The following BFSP1 variants were observed in gnomAD, a reference collection of about 807,000 sequenced individuals.
BFSP1 encodes beaded filament structural protein 1.
BFSP1 carries 38 observed loss-of-function variants against 43.9 expected under a neutral mutation model. The ratio of observed to expected loss-of-function variants is 0.87; its 90% CI spans 0.67 to 1.14. The LOEUF (loss-of-function observed/expected upper bound fraction) is 1.14, where lower values mean the gene tolerates loss of function less well. BFSP1 is among the 50% of genes most tolerant of loss of function. The pLI, the probability that BFSP1 is intolerant of heterozygous loss-of-function variation, is 0.00. For synonymous variants in BFSP1, 352 were observed against 354.8 expected, an observed-to-expected ratio of 0.99 and a Z score of 0.09; for missense variants, 850 against 875.1, an observed-to-expected ratio of 0.97 and a Z score of 0.36.
chr20:17,547,089 T>C (rs965681773), intron 1 of BFSP1, among the ~76,000 whole-genome samples: 2 of 151,946 alleles, frequency 1.3e-5, no homozygotes, highest in Non-Finnish European at 2.9e-5. Context: ...TCAACTCCTT[T>C]TTCCAGTAAC....
chr20:17,497,061 G>A (rs1368408821), intron 6 of BFSP1, 38 bp from the exon 7 acceptor site: 3 of 1,444,188 alleles, frequency 2.1e-6, no homozygotes, highest in African/African-American at 2.9e-5. Flanking sequence ...CCAAACAGAG[G>A]TCAGGGGCAA....
chr20:17,515,825 T>C (rs934624693), intron 2 of BFSP1, among the ~76,000 whole-genome samples: 2 of 152,218 alleles, frequency 1.3e-5, no homozygotes, highest in Admixed American at 1.3e-4. Flanking sequence ...AGTGACTTGC[T>C]AATAAACATA....
Position 17,524,581 on chromosome 20 carries a change from C to T in BFSP1, c.438+267G>A, listed in dbSNP as rs2072958. Among the ~76,000 whole-genome samples, 75,891 of 151,992 alleles carry T rather than the reference C, an allele frequency of 0.5. 20,039 individuals carry two copies. Among genetic ancestry groups the T allele is most frequent in the African/African-American group, 0.68 (28,219 of 41,450 alleles). The stretch of plus-strand genomic sequence containing the variant: ...TGACAAGTAAAACAGCAGCTTGTCA[C>T]TGTAACGCCGGCAGGTTTTGCTAGC... On this transcript the variant is annotated intron_variant, in intron 2 of 7. Transcript: ENST00000377873.
chr20:17,547,523 C>G (rs980234288), intron 1 of BFSP1, among the ~76,000 whole-genome samples: 9 of 152,094 alleles, frequency 5.9e-5, no homozygotes, highest in African/African-American at 2.2e-4. Flanking sequence ...CATCTGTACC[C>G]CTGTTGAATA....
chr20:17,550,317 T>C (rs562028216), intron 1 of BFSP1, among the ~76,000 whole-genome samples: 4 of 152,234 alleles, frequency 2.6e-5, no homozygotes, highest in African/African-American at 7.2e-5. Context: ...AAATTTTTCT[T>C]ATATAGGGTC....
chr20:17,510,568 G>A (rs6111555), intron 4 of BFSP1, among the ~76,000 whole-genome samples: 46,820 of 152,142 alleles, frequency 0.31, 7,889 homozygotes, highest in African/African-American at 0.43. Context: ...TAACTTTCCT[G>A]TCGCTTAGAT....
chr20:17,505,011 T>C (rs960066846), intron 5 of BFSP1, among the ~76,000 whole-genome samples: 9 of 151,942 alleles, frequency 5.9e-5, no homozygotes, highest in Middle Eastern at 3.4e-3. Context: ...TGGTGCTAAG[T>C]GACTTTAATG....
chr20:17,558,392 C>T lies in BFSP1; in HGVS notation c.2+296G>A, dbSNP rs77468530. On this transcript the variant is annotated intron_variant, in intron 1 of 7. Coordinates refer to the BFSP1 transcript ENST00000377868. ...GTTCAAGAAGGGAAACTCAAGAATCCAGGCCTTGCGTGCTGCTCTTTTTTC... is the reference window on the plus strand; with the variant it reads ...GTTCAAGAAGGGAAACTCAAGAATCTAGGCCTTGCGTGCTGCTCTTTTTTC... 5.4e-3 allele frequency among the ~76,000 whole-genome samples: 818 copies of T among 152,246 alleles called. 21 individuals carry two copies. The East Asian group carries it at 0.073, about 14-fold the overall frequency.
rs1467138325 is a variant in BFSP1, at chr20:17,494,105, TCTGA to T, written c.1963_1966del (p.Ser655ThrfsTer33). On this transcript the variant is annotated frameshift_variant, in exon 8 of 8. Coordinates refer to ENST00000377873, the MANE Select transcript of BFSP1 (RefSeq NM_001195.5). LOFTEE classifies it high-confidence loss of function. Reference sequence around the variant, plus strand: ...GCTCTTCTCTCCTGATTTCTTCTTGTCTGACTTTGTCTTTCCAATCATGGTCTCC... The same window carrying T: ...GCTCTTCTCTCCTGATTTCTTCTTGTCTTTGTCTTTCCAATCATGGTCTCC... The T allele has an allele frequency of 6.2e-7, 1 of 1,613,826 alleles. No homozygotes were observed. The highest frequency in any genetic ancestry group is 8.5e-7 in the Non-Finnish European group (1 of 1,179,860).
At chr20:17,534,053 A>T (rs1402121169), upstream of BFSP1, among the ~76,000 whole-genome samples, 1 of 152,222 alleles carries the variant, frequency 6.6e-6, no homozygotes, top group Non-Finnish European at 1.5e-5. Flanking sequence ...ATGTGCTTAG[A>T]AGGAGTGTGC....
chr20:17,551,407 G>A (rs1049492497), intron 1 of BFSP1, among the ~76,000 whole-genome samples: 2 of 152,104 alleles, frequency 1.3e-5, no homozygotes, highest in African/African-American at 4.8e-5. Context: ...AAGGCGCTAA[G>A]CCGTTTATGA....
In BFSP1 at chr20:17,531,231, C is replaced by T; in HGVS notation, c.99G>A (p.Glu33=). ...RAAEPERPAD[E]GWAGATSLAA... ...CCAGGCTCGTTGCCCCAGCCCAGCC[C>T]TCGTCGGCCGGGCGCTCGGGCTCGG... Residue 33 remains glutamate, a synonymous_variant, in exon 1 of 8, where the codon GAG becomes GAA. Coordinates refer to ENST00000377873, the MANE Select transcript of BFSP1 (RefSeq NM_001195.5). 5 of 1,393,482 alleles carry T rather than the reference C, an allele frequency of 3.6e-6. No individual in the cohort carries two copies. The highest frequency in any genetic ancestry group is 4.7e-6 in the Non-Finnish European group (5 of 1,073,326). 86.3% of individuals were successfully genotyped at this position (1,393,482 alleles called of 1,614,324 possible). A position where few individuals can be genotyped will look rare whatever the true frequency, so the allele number is the denominator to read the frequency against.
At chr20:17,497,083 G>T in intron 6 of BFSP1, 60 bp from the exon 7 acceptor site, 3 of 1,304,324 alleles carry the variant, frequency 2.3e-6, no homozygotes, top group Non-Finnish European at 3.1e-6. Flanking sequence ...AGCGACTCTC[G>T]TTAATGTTGA....
upstream of BFSP1, among the ~76,000 whole-genome samples, chr20:17,559,809 G>T (rs150451639): frequency 8.2e-4 from 125 of 151,956 alleles, no homozygotes; most frequent in African/African-American, 2.9e-3. Flanking sequence ...CCAATCCCCC[G>T]CCAACCATCC....
chr20:17,556,743 A>G (rs181847005), intron 1 of BFSP1, among the ~76,000 whole-genome samples: 85 of 152,120 alleles, frequency 5.6e-4, no homozygotes, highest in African/African-American at 1.8e-3. Context: ...ACATTCCCAG[A>G]TAATTTATAT....
intron 6 of BFSP1, among the ~76,000 whole-genome samples, 160 bp from the exon 7 acceptor site, chr20:17,497,183 T>A (rs1243714059): frequency 1.3e-5 from 2 of 152,130 alleles, no homozygotes; most frequent in Non-Finnish European, 2.9e-5. Context: ...ATTTACATAC[T>A]GGATGAGGAC....
Position 17,498,919 on chromosome 20 carries a change from T to G in BFSP1, c.857A>C (p.Glu286Ala). The G allele has an allele frequency of 6.2e-7, 1 of 1,614,184 alleles. No homozygotes were observed. Among genetic ancestry groups the G allele is most frequent in the Non-Finnish European group, 8.5e-7 (1 of 1,180,040 alleles). Reference sequence around the variant, plus strand: ...CTGCCGGCAGTCGTAAGAAGACTTCTCCAGGACCCGCTCTGTCTCCTCAAT... The same window carrying G: ...CTGCCGGCAGTCGTAAGAAGACTTCGCCAGGACCCGCTCTGTCTCCTCAAT... ...KEIEETERVL[E>A]KSSYDCRQLA... Residue 286 changes from glutamate (E) to alanine (A), a missense_variant, in exon 6 of 8, where the codon GAG becomes GCG. Transcript: ENST00000377873.
At position 17,525,050 on chromosome 20, in the gene BFSP1, G is replaced by A. The variant is rs956824809; in HGVS notation, c.378-142C>T. The A allele has an allele frequency of 4.1e-6, 3 of 732,398 alleles. No individual in the cohort carries two copies. The highest frequency in any genetic ancestry group is 7.2e-6 in the Non-Finnish European group (3 of 416,740). The allele number at this position is 732,398 out of a possible 1,614,324, so 45.4% of individuals were successfully genotyped here. On this transcript the variant is annotated intron_variant, in intron 1 of 7. Coordinates refer to ENST00000377873, the MANE Select transcript of BFSP1 (RefSeq NM_001195.5). The surrounding 1 kb of genome is among the most constrained non-coding windows in gnomAD (Gnocchi z 4.2). ...TCTTAATTTTAAAGTAGTAGCTAAC[G>A]AATGCTGCATTTCCTAGCTGACTGC...
chr20:17,552,103 A>G (rs898905537), intron 1 of BFSP1, among the ~76,000 whole-genome samples: 1 of 152,196 alleles, frequency 6.6e-6, no homozygotes, highest in African/African-American at 2.4e-5. Context: ...GAGTATAATA[A>G]GTGGTGATAA....
Sources: gnomAD v4.1 joint callset for allele counts (sites outside exome capture counted in the v4.1 genomes callset) on GRCh38, gnomAD v4.1.1 for gene constraint, Gnocchi (gnomAD v3.1) non-coding constraint, MANE v1.5 for transcripts, NCBI Gene and HGNC (gene_info 2026-07-23, HGNC 2026-07-21) for gene names.